Variants in TTLL6 observed in about 807,000 individuals in gnomAD.
TTLL6 encodes tubulin polyglutamylase TTLL6.
In TTLL6, 75 loss-of-function variants were observed where a neutral mutation model predicts 96.4. The ratio of observed to expected loss-of-function variants is 0.78; its 90% confidence interval spans 0.65 to 0.94. The LOEUF is 0.94. Among genes scored for constraint, TTLL6 ranks in the 40% least tolerant of loss-of-function variants. The probability of loss-of-function intolerance (pLI) is 0.00; values close to 1 mark genes in which losing one functional copy is unlikely to be tolerated. For missense variants in TTLL6, 1,030 were observed against 1,093.0 expected (o/e 0.94, Z 0.81); for synonymous variants, 411 against 419.4 (o/e 0.98, Z 0.24).
At chr17:48,801,699 G>T in intron 3 of TTLL6, 56 bp from the exon 4 acceptor site, 1 of 1,435,768 alleles carries the variant, frequency 7.0e-7, no homozygotes, top group Non-Finnish European at 9.6e-7. Flanking sequence ...GTATGGGGTG[G>T]GGAGATTCCA....
intron 13 of TTLL6, among the ~76,000 whole-genome samples, chr17:48,775,976 T>A (rs1193991968): frequency 6.6e-6 from 1 of 152,108 alleles, no homozygotes; most frequent in Non-Finnish European, 1.5e-5. Context: ...GTTTCCCCGC[T>A]AAAATCAGAA....
chr17:48,780,471 A>G (rs895242279), intron 13 of TTLL6, among the ~76,000 whole-genome samples: 4 of 152,238 alleles, frequency 2.6e-5, no homozygotes, highest in Non-Finnish European at 5.9e-5. Context: ...TCCCCAAAGC[A>G]TAATCTCTAT....
intron 14 of TTLL6, 145 bp from the exon 15 acceptor site, chr17:48,769,399 T>C: frequency 9.5e-7 from 1 of 1,053,828 alleles, no homozygotes; most frequent in South Asian, 1.7e-5. Flanking sequence ...TTGCTCCTTT[T>C]CTCCAAATAG....
At chr17:48,806,680 T>C (rs2039509644) in intron 1 of TTLL6, among the ~76,000 whole-genome samples, 1 of 152,176 alleles carries the variant, frequency 6.6e-6, no homozygotes, top group Admixed American at 6.5e-5. Context: ...CACCTGTAGC[T>C]TTCCTACTCT....
chr17:48,798,156 T>C (rs1192862820), intron 6 of TTLL6, among the ~76,000 whole-genome samples: 1 of 152,008 alleles, frequency 6.6e-6, no homozygotes, highest in Non-Finnish European at 1.5e-5. Context: ...GTGCAGTGGC[T>C]CACACTGGGA....
At chr17:48,804,146 G>A in intron 2 of TTLL6, 2 of 611,406 alleles carry the variant, frequency 3.3e-6, no homozygotes, top group Non-Finnish European at 5.9e-6. Context: ...TACCCAGAAG[G>A]TAGAAATTCT....
chr17:48,798,817 C>CTTTT (rs546272759), intron 6 of TTLL6, among the ~76,000 whole-genome samples: 22 of 116,952 alleles, frequency 1.9e-4, no homozygotes, highest in Non-Finnish European at 2.1e-4. Context: ...TGTTGCAGTT[C>CTTTT]TTTTTTTTTT....
At chr17:48,807,804 G>A (rs1334849958) in intron 1 of TTLL6, among the ~76,000 whole-genome samples, 3 of 152,018 alleles carry the variant, frequency 2.0e-5, no homozygotes, top group Non-Finnish European at 4.4e-5. Flanking sequence ...GAGCCACCGT[G>A]CATGGCCATT....
chr17:48,813,464 T>C (rs2039622504), intron 1 of TTLL6, among the ~76,000 whole-genome samples: 1 of 151,984 alleles, frequency 6.6e-6, no homozygotes. Context: ...GAGGCTGAGG[T>C]GGGAGGATCA....
chr17:48,786,218 G>A lies in TTLL6; in HGVS notation c.1707C>T (p.Gly569=). Residue 569 remains glycine, a synonymous_variant, in exon 12 of 16, where the codon GGC becomes GGT. Coordinates refer to ENST00000393382, the MANE Select transcript of TTLL6 (RefSeq NM_001130918.3). ...GEQVRKKGMR[G]WQQKQQQKDK... ...CTTTCTGCTGTTGTTTCTGTTGCCAGCCCCTCATGCCCTTCTTTCTCACTT... is the reference window on the plus strand; with the variant it reads ...CTTTCTGCTGTTGTTTCTGTTGCCAACCCCTCATGCCCTTCTTTCTCACTT... 1 of 1,614,170 alleles carries A rather than the reference G, an allele frequency of 6.2e-7. No individual in the cohort carries two copies. Among genetic ancestry groups the A allele is most frequent in the Non-Finnish European group, 8.5e-7 (1 of 1,180,034 alleles).
intron 8 of TTLL6, among the ~76,000 whole-genome samples, chr17:48,793,457 G>T (rs1420660875): frequency 6.6e-6 from 1 of 152,128 alleles, no homozygotes; most frequent in Non-Finnish European, 1.5e-5. Context: ...GCCAAGCATG[G>T]TGGTGGGCGC....
At position 48,774,416 on chromosome 17, in the gene TTLL6, G is replaced by A. The variant is rs544931019; in HGVS notation, c.2041-4319C>T. Among the ~76,000 whole-genome samples the A allele has an allele frequency of 3.3e-5, 5 of 151,536 alleles. No homozygotes were observed. In the South Asian group the frequency reaches 8.4e-4, roughly 25 times the overall value. ...TGAAATCAGGCAATCCGCCCGCCTC[G>A]GCCTCCCAAAGTGCTAGGATTACAG... On this transcript the variant is annotated intron_variant, in intron 13 of 15. Coordinates refer to ENST00000393382, the MANE Select transcript of TTLL6 (RefSeq NM_001130918.3).
rs564579525 is a variant in TTLL6, at chr17:48,814,583, G to A, written c.103+2387C>T. 1.1e-4 allele frequency among the ~76,000 whole-genome samples: 16 copies of A among 152,198 alleles called. No individual in the cohort carries two copies. In the South Asian group the frequency reaches 1.7e-3, roughly 16 times the overall value. On this transcript the variant is annotated intron_variant, in intron 1 of 15. Coordinates refer to ENST00000393382, the MANE Select transcript of TTLL6 (RefSeq NM_001130918.3). ...CAACAAGATCCTGGTTAGACAGCAC[G>A]AAAATGTCCTACATTGGCCACCAGG...
chr17:48,776,198 A>G (rs1375098619), intron 13 of TTLL6, among the ~76,000 whole-genome samples: 3 of 152,220 alleles, frequency 2.0e-5, no homozygotes, highest in African/African-American at 7.2e-5. Context: ...TGGGCGCAGT[A>G]GCTCATGCCT....
intron 6 of TTLL6, 43 bp downstream of exon 6, chr17:48,799,561 G>T: frequency 6.5e-7 from 1 of 1,535,868 alleles, no homozygotes; most frequent in South Asian, 1.2e-5. Context: ...TAAAGTCCGC[G>T]GTTGCTGTGG....
intron 1 of TTLL6, among the ~76,000 whole-genome samples, chr17:48,815,592 G>A (rs2039657451): frequency 1.3e-5 from 2 of 152,182 alleles, no homozygotes; most frequent in South Asian, 4.1e-4. Flanking sequence ...AAAGTGCTTT[G>A]AGCTTTGATT....
At chr17:48,787,321 C>T (rs1283818404) in intron 11 of TTLL6, among the ~76,000 whole-genome samples, 1 of 152,148 alleles carries the variant, frequency 6.6e-6, no homozygotes, top group Non-Finnish European at 1.5e-5. Flanking sequence ...TACTTCTCTC[C>T]ACTTCACATA....
chr17:48,775,286 T>C (rs2038847976), intron 13 of TTLL6, among the ~76,000 whole-genome samples: 1 of 151,944 alleles, frequency 6.6e-6, no homozygotes, highest in East Asian at 1.9e-4. Context: ...TATAGACCAG[T>C]ATCTTTTATG....
At chr17:48,808,418 T>C (rs1383265953) in intron 1 of TTLL6, among the ~76,000 whole-genome samples, 6 of 151,026 alleles carry the variant, frequency 4.0e-5, no homozygotes, top group Admixed American at 3.9e-4. Flanking sequence ...AGATATATGT[T>C]GCTTCCCAGA....
Sources: gnomAD v4.1 joint callset for allele counts (sites outside exome capture counted in the v4.1 genomes callset) on GRCh38, gnomAD v4.1.1 for gene constraint, MANE v1.5 for transcripts, NCBI Gene and HGNC (gene_info 2026-07-23, HGNC 2026-07-21) for gene names.